GNA12: variants seen among roughly 807,000 people sequenced by gnomAD.
GNA12 encodes the protein guanine nucleotide-binding protein subunit alpha-12.
Under a neutral mutation model 26.0 loss-of-function variants are expected in GNA12, and 9 were observed. The ratio of observed to expected loss-of-function variants is 0.35; its 90% CI spans 0.21 to 0.60. GNA12 has a LOEUF of 0.60. Ranked by LOEUF, GNA12 falls within the 20% of genes least tolerant of loss-of-function variation. GNA12 has a pLI of 0.78. For synonymous variants in GNA12, 264 were observed against 219.6 expected (o/e 1.20, Z -1.79); for missense variants, 405 against 525.8 (o/e 0.77, Z 2.25).
At chr7:2,743,961 G>C (rs576680556) in intron 2 of GNA12, among the ~76,000 whole-genome samples, 5 of 152,118 alleles carry the variant, frequency 3.3e-5, no homozygotes, top group Non-Finnish European at 5.9e-5. Flanking sequence ...AGGCAGCAGC[G>C]AGGCTGGGGG....
intron 1 of GNA12, among the ~76,000 whole-genome samples, chr7:2,821,514 A>T (rs1793369805): frequency 1.3e-5 from 2 of 152,218 alleles, no homozygotes; most frequent in Admixed American, 1.3e-4. Context: ...CAATTGTATC[A>T]ATGACTCTAT....
At chr7:2,762,674 T>G in intron 2 of GNA12, 1 of 1,595,684 alleles carries the variant, frequency 6.3e-7, no homozygotes, top group South Asian at 1.1e-5. Flanking sequence ...ATAAATCATT[T>G]GGAAAGAAAC....
At chr7:2,763,724 T>C (rs756398555) in intron 2 of GNA12, among the ~76,000 whole-genome samples, 2 of 152,224 alleles carry the variant, frequency 1.3e-5, no homozygotes, top group Non-Finnish European at 2.9e-5. Flanking sequence ...AAGCTTCTTC[T>C]AAATGTGCCT....
intron 1 of GNA12, among the ~76,000 whole-genome samples, chr7:2,812,134 C>T (rs901306428): frequency 5.9e-5 from 9 of 152,318 alleles, no homozygotes; most frequent in Admixed American, 3.3e-4. Context: ...ACCTTAAAAC[C>T]GGGCAAGTAA....
intron 2 of GNA12, among the ~76,000 whole-genome samples, chr7:2,778,036 G>A (rs923319868): frequency 6.6e-6 from 1 of 152,204 alleles, no homozygotes; most frequent in African/African-American, 2.4e-5. Flanking sequence ...TCACATCACA[G>A]GAATGTCTCC....
intron 2 of GNA12, among the ~76,000 whole-genome samples, chr7:2,738,825 TTTTTA>T (rs756918735): frequency 1.3e-5 from 2 of 152,150 alleles, no homozygotes; most frequent in East Asian, 1.9e-4. Flanking sequence ...CTCCTCCTGT[TTTTTA>T]TTTTGTTTGT....
intron 1 of GNA12, among the ~76,000 whole-genome samples, chr7:2,829,139 A>AC (rs1793546812): frequency 6.6e-6 from 1 of 152,046 alleles, no homozygotes; most frequent in Admixed American, 6.5e-5. Context: ...CAAAGGGCTC[A>AC]CCTCCATGAG....
chr7:2,772,514 C>G (rs1281307953), intron 2 of GNA12, among the ~76,000 whole-genome samples: 1 of 151,096 alleles, frequency 6.6e-6, no homozygotes, highest in Non-Finnish European at 1.5e-5. Flanking sequence ...GAGCCAAGAT[C>G]GCACCACTGC....
intron 1 of GNA12, among the ~76,000 whole-genome samples, chr7:2,825,351 G>T (rs1046572976): frequency 1.3e-5 from 2 of 152,170 alleles, no homozygotes; most frequent in Admixed American, 1.3e-4. Context: ...ATCTATACAG[G>T]TCACCCCAAG....
At position 2,809,275 on chromosome 7, in the gene GNA12, G is replaced by A. The variant is rs59179165; in HGVS notation, c.310-14132C>T. Reference sequence around the variant, plus strand: ...CTACCTGTTGGCAGGATGAACTAAGGGACCCCAGGTCCTCATCCGCAAAGT... The same window carrying A: ...CTACCTGTTGGCAGGATGAACTAAGAGACCCCAGGTCCTCATCCGCAAAGT... On this transcript the variant is annotated intron_variant, in intron 1 of 3. Coordinates refer to ENST00000275364, the MANE Select transcript of GNA12 (RefSeq NM_007353.3). Among the ~76,000 whole-genome samples the A allele has an allele frequency of 6.7e-3, 1,022 of 152,168 alleles. 12 individuals are homozygous for A. Among genetic ancestry groups the A allele is most frequent in the African/African-American group, 0.023 (965 of 41,504 alleles).
At chr7:2,836,104 T>G (rs777376921) in intron 1 of GNA12, 8 of 217,196 alleles carry the variant, frequency 3.7e-5, no homozygotes, top group Non-Finnish European at 5.8e-5. Context: ...TAGAAAGTCT[T>G]ACTGGCAATC....
At chr7:2,804,943 T>C (rs552632557) in intron 1 of GNA12, among the ~76,000 whole-genome samples, 1 of 151,732 alleles carries the variant, frequency 6.6e-6, no homozygotes, top group Non-Finnish European at 1.5e-5. Flanking sequence ...ACGCAGCTAA[T>C]GTTCATTTTA....
At chr7:2,842,843 G>A (rs563010774) in intron 1 of GNA12, among the ~76,000 whole-genome samples, 3 of 152,292 alleles carry the variant, frequency 2.0e-5, no homozygotes, top group South Asian at 4.1e-4. Context: ...ATCCTAAAAC[G>A]TTTCCTAATC....
rs58348546 is a variant in GNA12 at position 2,781,412 on chromosome 7, CTGTGTGTGTGTGTGTGTGTGTGTG to C, written c.525+13492_525+13515del. Reference sequence around the variant, plus strand: ...CTCTAATCCATTTCAAAGTAAGTGTCTGTGTGTGTGTGTGTGTGTGTGTGTGTGTGTGTGTGTAGGGTACAATTT... The same window carrying C: ...CTCTAATCCATTTCAAAGTAAGTGTCTGTGTGTGTGTGTAGGGTACAATTT... On this transcript the variant is annotated intron_variant, in intron 2 of 3. Transcript: ENST00000275364. 8.3e-5 allele frequency among the ~76,000 whole-genome samples: 12 copies of C among 143,722 alleles called. No homozygotes were observed. In the East Asian group the frequency reaches 2.5e-3, roughly 30 times the overall value. 94.3% of individuals were successfully genotyped at this position (143,722 alleles called of 152,430 possible).
chr7:2,734,808 G>A (rs1790077530), intron 2 of GNA12, among the ~76,000 whole-genome samples: 1 of 152,222 alleles, frequency 6.6e-6, no homozygotes, highest in Non-Finnish European at 1.5e-5. Flanking sequence ...CTCTGTGGCA[G>A]GACGGGGCGA....
chr7:2,761,061 C>A (rs968658752), intron 2 of GNA12, among the ~76,000 whole-genome samples: 1 of 152,214 alleles, frequency 6.6e-6, no homozygotes, highest in East Asian at 1.9e-4. Context: ...TAAACGGAGT[C>A]AGGAACGTAG....
At chr7:2,767,617 A>C (rs900708193) in intron 2 of GNA12, among the ~76,000 whole-genome samples, 4 of 152,054 alleles carry the variant, frequency 2.6e-5, no homozygotes, top group African/African-American at 9.7e-5. Context: ...TCTTATTTAA[A>C]ATCAACTCTT....
intron 2 of GNA12, among the ~76,000 whole-genome samples, chr7:2,782,637 A>G (rs1792258424): frequency 6.6e-6 from 1 of 150,868 alleles, no homozygotes; most frequent in Non-Finnish European, 1.5e-5. Flanking sequence ...CTGCAGTTTT[A>G]TTATGTCTAT....
chr7:2,762,836 G>C (rs1416873901), intron 2 of GNA12: 2 of 1,494,930 alleles, frequency 1.3e-6, no homozygotes, highest in South Asian at 2.6e-5. Context: ...CACCCAGTCA[G>C]CGCGGCTCCG....
Sources: gnomAD v4.1 joint callset for allele counts (sites outside exome capture counted in the v4.1 genomes callset) on GRCh38, gnomAD v4.1.1 for gene constraint, MANE v1.5 for transcripts, NCBI Gene and HGNC (gene_info 2026-07-23, HGNC 2026-07-21) for gene names.